The following PARD3B variants were observed in gnomAD, a reference collection of about 807,000 sequenced individuals.
The protein encoded by PARD3B is partitioning defective 3 homolog B.
A neutral mutation model predicts 130.2 loss-of-function variants in PARD3B; 103 were observed. The ratio of observed to expected loss-of-function variants is 0.79; its 90% CI spans 0.67 to 0.93. PARD3B has a LOEUF of 0.93. Among genes scored for constraint, PARD3B ranks in the 40% least tolerant of loss-of-function variants. PARD3B has a pLI of 0.00. For synonymous variants in PARD3B, 583 were observed against 553.2 expected (o/e 1.05, Z -0.76); for missense variants, 1,609 against 1,499.2 (o/e 1.07, Z -1.21).
At chr2:205,521,911 A>C (rs1021861946) in intron 21 of PARD3B, among the ~76,000 whole-genome samples, 3 of 152,072 alleles carry the variant, frequency 2.0e-5, no homozygotes, top group African/African-American at 7.2e-5. Context: ...CTCATCCATA[A>C]AAATATCTAA....
chr2:204,881,469 A>G (rs1449633373), intron 2 of PARD3B, among the ~76,000 whole-genome samples: 1 of 152,286 alleles, frequency 6.6e-6, no homozygotes, highest in East Asian at 1.9e-4. Context: ...TAAGAAAACA[A>G]TGAGGGAGAG....
chr2:204,795,075 A>G (rs2125485626), intron 2 of PARD3B, among the ~76,000 whole-genome samples: 1 of 152,352 alleles, frequency 6.6e-6, no homozygotes, highest in East Asian at 1.9e-4. Context: ...TAAACATTAA[A>G]CAATGATCGG....
rs1056646386 is a variant in PARD3B, at chr2:204,906,420, T to C, written c.223-58732T>C. ...CTCTTTTCATTGGTGTGTGTGTGTG[T>C]ATGTATAAATGAATGAATATGGGAA... On this transcript the variant is annotated intron_variant, in intron 2 of 22. Coordinates refer to ENST00000406610, the MANE Select transcript of PARD3B (RefSeq NM_001302769.2). The surrounding 1 kb of genome is among the most constrained non-coding windows in gnomAD (Gnocchi z 4.3). Among the ~76,000 whole-genome samples the C allele has an allele frequency of 1.3e-5, 2 of 152,194 alleles. No individual in the cohort carries two copies. The highest frequency in any genetic ancestry group is 4.8e-5 in the African/African-American group (2 of 41,452).
intron 21 of PARD3B, among the ~76,000 whole-genome samples, chr2:205,539,228 T>C (rs576866694): frequency 6.6e-6 from 1 of 152,312 alleles, no homozygotes; most frequent in Non-Finnish European, 1.5e-5. Flanking sequence ...TTGAGTGAAA[T>C]AGTCTTATGA....
chr2:204,632,334 G>C (rs1278425234), intron 1 of PARD3B, among the ~76,000 whole-genome samples: 1 of 152,144 alleles, frequency 6.6e-6, no homozygotes, highest in Non-Finnish European at 1.5e-5. Context: ...GTCTCAGGCA[G>C]TTCTTTACAG....
Position 204,738,349 on chromosome 2 carries a change from A to C in PARD3B, c.222+52067A>C, listed in dbSNP as rs574355374. On this transcript the variant is annotated intron_variant, in intron 2 of 22. Transcript: ENST00000406610. ...TCCTGATGTTGTAAAAGGGATTGAGATCTTGATTTGATTCTCAGCTAGGTC... is the reference window on the plus strand; with the variant it reads ...TCCTGATGTTGTAAAAGGGATTGAGCTCTTGATTTGATTCTCAGCTAGGTC... Among the ~76,000 whole-genome samples the C allele has an allele frequency of 1.5e-3, 221 of 152,046 alleles. 1 individual carries two copies. The highest frequency in any genetic ancestry group is 2.7e-3 in the Non-Finnish European group (181 of 68,008).
chr2:204,720,443 T>C (rs1368115391), intron 2 of PARD3B, among the ~76,000 whole-genome samples: 1 of 152,172 alleles, frequency 6.6e-6, no homozygotes, highest in Non-Finnish European at 1.5e-5. Flanking sequence ...GGAATCTAAG[T>C]GAAAACTGCA....
intron 16 of PARD3B, among the ~76,000 whole-genome samples, chr2:205,259,565 G>T (rs761855047): frequency 2.5e-4 from 37 of 150,626 alleles, no homozygotes; most frequent in Non-Finnish European, 4.9e-4. Flanking sequence ...ATCCTTCTTG[G>T]TATGTGGTAT....
intron 2 of PARD3B, among the ~76,000 whole-genome samples, chr2:204,935,319 G>T (rs969794118): frequency 6.7e-6 from 1 of 149,966 alleles, no homozygotes; most frequent in African/African-American, 2.4e-5. Flanking sequence ...CACAAGGTCA[G>T]GAGATCAAGA....
chr2:204,805,736 A>G (rs535510340), intron 2 of PARD3B, among the ~76,000 whole-genome samples: 1 of 152,154 alleles, frequency 6.6e-6, no homozygotes, highest in Admixed American at 6.6e-5. Context: ...TATACCAATG[A>G]TGCAAGGCAA....
At chr2:204,629,161 G>A (rs188051327) in intron 1 of PARD3B, among the ~76,000 whole-genome samples, 1 of 152,130 alleles carries the variant, frequency 6.6e-6, no homozygotes, top group Non-Finnish European at 1.5e-5. Context: ...ATTTATAGCT[G>A]CTCAAGGAGA....
intron 4 of PARD3B, among the ~76,000 whole-genome samples, chr2:205,074,437 G>GC (rs1479622895): frequency 6.6e-6 from 1 of 152,154 alleles, no homozygotes; most frequent in African/African-American, 2.4e-5. Context: ...CTTAATAGTA[G>GC]TTTATGGAAC....
In PARD3B at chr2:205,525,071, AG is replaced by A. The variant is rs1312204637; in HGVS notation, c.3180+25041del. Among the ~76,000 whole-genome samples the A allele has an allele frequency of 2.0e-5, 3 of 152,218 alleles. No homozygotes were observed. The highest frequency in any genetic ancestry group is 7.2e-5 in the African/African-American group (3 of 41,466). ...GATGAACCATGGCAAGAACCAGGACAGTTTTATTGCCTCACAAAGGCTATTT... is the reference window on the plus strand; with the variant it reads ...GATGAACCATGGCAAGAACCAGGACATTTTATTGCCTCACAAAGGCTATTT... On this transcript the variant is annotated intron_variant, in intron 21 of 22. Transcript: ENST00000406610. The surrounding 1 kb of genome is among the most constrained non-coding windows in gnomAD (Gnocchi z 4.2).
intron 1 of PARD3B, among the ~76,000 whole-genome samples, chr2:204,636,880 A>G (rs1429032226): frequency 1.3e-5 from 2 of 152,140 alleles, no homozygotes; most frequent in African/African-American, 4.8e-5. Flanking sequence ...CCTGCAGCCT[A>G]GGCTTCTGAA....
At chr2:204,575,545 C>T (rs2032213894) in intron 1 of PARD3B, among the ~76,000 whole-genome samples, 1 of 152,326 alleles carries the variant, frequency 6.6e-6, no homozygotes, top group Non-Finnish European at 1.5e-5. Context: ...GGCATTTTCT[C>T]TTCCCTTTTG....
chr2:204,627,012 CTGTTCTCA>C (rs1559193334), intron 1 of PARD3B, among the ~76,000 whole-genome samples: 1 of 152,114 alleles, frequency 6.6e-6, no homozygotes. Context: ...TTCCTCCATG[CTGTTCTCA>C]TGATAGTGAG....
intron 15 of PARD3B, among the ~76,000 whole-genome samples, chr2:205,223,321 G>C (rs1459905391): frequency 3.3e-5 from 5 of 152,204 alleles, no homozygotes; most frequent in African/African-American, 1.2e-4. Flanking sequence ...AATTATGAAA[G>C]TGATGTTTAG....
Position 204,865,751 on chromosome 2 carries a change from C to G in PARD3B, c.223-99401C>G, listed in dbSNP as rs190618622. Reference sequence around the variant, plus strand: ...ACCACCAAAGAACTTATTTATGTAACCAAACACCACCTGTTCCCCAAAAAC... The same window carrying G: ...ACCACCAAAGAACTTATTTATGTAAGCAAACACCACCTGTTCCCCAAAAAC... On this transcript the variant is annotated intron_variant, in intron 2 of 22. Transcript: ENST00000406610. Among the ~76,000 whole-genome samples, 13 of 152,122 alleles carry G rather than the reference C, an allele frequency of 8.5e-5. No homozygotes were observed. The East Asian group carries it at 2.5e-3, about 29-fold the overall frequency.
At chr2:205,027,109 C>T (rs995439253) in intron 3 of PARD3B, among the ~76,000 whole-genome samples, 5 of 152,046 alleles carry the variant, frequency 3.3e-5, no homozygotes, top group African/African-American at 1.2e-4. Context: ...TATTAATTTA[C>T]ACATTTTTAA....
Sources: gnomAD v4.1 joint callset for allele counts (sites outside exome capture counted in the v4.1 genomes callset) on GRCh38, gnomAD v4.1.1 for gene constraint, Gnocchi (gnomAD v3.1) non-coding constraint, MANE v1.5 for transcripts, NCBI Gene and HGNC (gene_info 2026-07-23, HGNC 2026-07-21) for gene names.